LTBP2: variants seen among roughly 807,000 people sequenced by gnomAD.
The protein encoded by LTBP2 is latent transforming growth factor beta binding protein 2.
A neutral mutation model predicts 210.6 loss-of-function variants in LTBP2; 103 were observed. The observed-to-expected ratio is 0.49, with a 90% CI of 0.42 to 0.58. The LOEUF is 0.58. LTBP2 is among the 20% of genes least tolerant of loss of function. The pLI is 0.00. For synonymous variants in LTBP2, 1,007 were observed against 1,015.0 expected, an observed-to-expected ratio of 0.99 and a Z score of 0.15; for missense variants, 2,313 against 2,494.5, an observed-to-expected ratio of 0.93 and a Z score of 1.55.
intron 30 of LTBP2, 69 bp from the exon 31 acceptor site, chr14:74,504,123 C>G: frequency 6.3e-7 from 1 of 1,584,920 alleles, no homozygotes; most frequent in South Asian, 1.1e-5. Context: ...AGCAGGGAAT[C>G]CAAAGCCAGG....
At chr14:74,503,632 A>G (rs536546299) in intron 31 of LTBP2, 26 bp from the exon 32 acceptor site, 1 of 1,612,184 alleles carries the variant, frequency 6.2e-7, no homozygotes, top group Non-Finnish European at 8.5e-7. Context: ...AGGGTGGGGC[A>G]TTGCCAAGGT....
At chr14:74,591,802 A>C (rs888939922) in intron 2 of LTBP2, among the ~76,000 whole-genome samples, 5 of 152,214 alleles carry the variant, frequency 3.3e-5, no homozygotes, top group Admixed American at 3.3e-4. Context: ...CCCATCTGCC[A>C]TAAAGTCAGG....
At chr14:74,601,079 C>T (rs1307881367) in intron 2 of LTBP2, among the ~76,000 whole-genome samples, 1 of 152,178 alleles carries the variant, frequency 6.6e-6, no homozygotes, top group Non-Finnish European at 1.5e-5. Flanking sequence ...AATTACAGTG[C>T]CAGGCCCCAG....
At position 74,501,429 on chromosome 14, in the gene LTBP2, T is replaced by C. The variant is rs2086908790; in HGVS notation, c.5320+12A>G. ...GGCCAGCCTGACTCCTCCATCAGAATTCTGCACTTACCTACGCAGGCCATG... is the reference window on the plus strand; with the variant it reads ...GGCCAGCCTGACTCCTCCATCAGAACTCTGCACTTACCTACGCAGGCCATG... On this transcript the variant is annotated intron_variant, in intron 35 of 35. Transcript: ENST00000261978. The C allele has an allele frequency of 6.2e-7, 1 of 1,613,924 alleles. No homozygotes were observed. Among genetic ancestry groups the C allele is most frequent in the South Asian group, 1.1e-5 (1 of 91,096 alleles).
chr14:74,600,110 C>T lies in LTBP2; in HGVS notation c.565+3525G>A, dbSNP rs575355898. 4.6e-5 allele frequency among the ~76,000 whole-genome samples: 7 copies of T among 152,332 alleles called. No individual in the cohort carries two copies. The East Asian group carries it at 5.8e-4, about 13-fold the overall frequency. ...TGACGGGGTGTGGAGCCAAGAGCCCCACCTTCTGCGGAGCTCTGGATGAAG... is the reference window on the plus strand; with the variant it reads ...TGACGGGGTGTGGAGCCAAGAGCCCTACCTTCTGCGGAGCTCTGGATGAAG... On this transcript the variant is annotated intron_variant, in intron 2 of 35. Transcript: ENST00000261978.
Position 74,611,453 on chromosome 14 carries a change from C to T in LTBP2, c.492G>A (p.Thr164=), listed in dbSNP as rs778789428. The change falls in exon 1 of 36, where the codon ACG becomes ACA. Residue 164 remains threonine, a splice_region_variant and synonymous_variant. Coordinates refer to ENST00000261978, the MANE Select transcript of LTBP2 (RefSeq NM_000428.3). ...APPTPPRGRL[T]GRNVCGGQCC... is the part of the protein sequence containing the mutation. Reference sequence around the variant, plus strand: ...AAACTTCCCTCTCCCATGCTCACCCCGTGAGCCGCCCTCGCGGCGGGGTTG... The same window carrying T: ...AAACTTCCCTCTCCCATGCTCACCCTGTGAGCCGCCCTCGCGGCGGGGTTG... 1.1e-4 allele frequency: 159 copies of T among 1,490,856 alleles called. 1 individual carries two copies. The highest frequency in any genetic ancestry group is 1.4e-4 in the Non-Finnish European group (155 of 1,132,522). 92.4% of individuals were successfully genotyped at this position (1,490,856 alleles called of 1,614,324 possible).
At chr14:74,529,944 T>C (rs1309096070) in intron 10 of LTBP2, among the ~76,000 whole-genome samples, 2 of 152,160 alleles carry the variant, frequency 1.3e-5, no homozygotes, top group Non-Finnish European at 2.9e-5. Flanking sequence ...GAATGAATGA[T>C]TCTGGGGAAG....
chr14:74,596,165 C>G (rs556541814), intron 2 of LTBP2, among the ~76,000 whole-genome samples: 1 of 152,084 alleles, frequency 6.6e-6, no homozygotes, highest in South Asian at 2.1e-4. Context: ...GCCGAGATTA[C>G]AGTGAGCCGA....
At chr14:74,569,712 C>G (rs951906089) in intron 3 of LTBP2, among the ~76,000 whole-genome samples, 2 of 152,168 alleles carry the variant, frequency 1.3e-5, no homozygotes, top group African/African-American at 4.8e-5. Flanking sequence ...AATTGCTATA[C>G]TTACTAAACA....
chr14:74,551,795 C>T (rs1193595843), intron 6 of LTBP2, among the ~76,000 whole-genome samples: 1 of 152,184 alleles, frequency 6.6e-6, no homozygotes, highest in Non-Finnish European at 1.5e-5. Flanking sequence ...CCCCTGATCC[C>T]CTAAAGCATT....
intron 1 of LTBP2, among the ~76,000 whole-genome samples, chr14:74,606,234 T>C (rs1194822805): frequency 6.6e-6 from 1 of 152,200 alleles, no homozygotes; most frequent in African/African-American, 2.4e-5. Flanking sequence ...GGGCCAAATC[T>C]GATCACACTA....
chr14:74,596,352 G>A (rs1371088267), intron 2 of LTBP2, among the ~76,000 whole-genome samples: 4 of 152,184 alleles, frequency 2.6e-5, no homozygotes, highest in East Asian at 1.9e-4. Flanking sequence ...GAACAAGGCC[G>A]GTGGGGGCCA....
rs1290108023 is a variant in LTBP2, at chr14:74,500,469, G to C, written c.*415C>G. 3 of 419,284 alleles carry C rather than the reference G, an allele frequency of 7.2e-6. No individual in the cohort carries two copies. Among genetic ancestry groups the C allele is most frequent in the Non-Finnish European group, 1.4e-5 (3 of 222,106 alleles). 26.0% of individuals were successfully genotyped at this position (419,284 alleles called of 1,614,324 possible). On this transcript the variant is annotated 3_prime_UTR_variant, in exon 36 of 36. Coordinates refer to ENST00000261978, the MANE Select transcript of LTBP2 (RefSeq NM_000428.3). ...GATTCTGAAGGACCTCCCTAGGGCA[G>C]ATGTAGCCTCTGTCCCAGTTGTGGG... is the stretch of plus-strand genomic sequence containing the variant.
chr14:74,581,059 C>G, intron 3 of LTBP2, among the ~76,000 whole-genome samples: 1 of 152,212 alleles, frequency 6.6e-6, no homozygotes, highest in East Asian at 1.9e-4. Context: ...ATACAGTCAG[C>G]TGGCAGAGCA....
intron 2 of LTBP2, among the ~76,000 whole-genome samples, chr14:74,599,886 G>A (rs2088420584): frequency 6.6e-6 from 1 of 152,244 alleles, no homozygotes; most frequent in African/African-American, 2.4e-5. Context: ...TGTGGTTCTG[G>A]CACTAGACTT....
chr14:74,512,111 G>A (rs926493080), intron 18 of LTBP2, among the ~76,000 whole-genome samples: 2 of 152,164 alleles, frequency 1.3e-5, no homozygotes, highest in African/African-American at 4.8e-5. Context: ...CCCCGGAGCC[G>A]AGGAGAGGGC....
chr14:74,505,932 C>T, intron 28 of LTBP2, 116 bp downstream of exon 28: 1 of 1,435,324 alleles, frequency 7.0e-7, no homozygotes. Context: ...CCTATGCTGC[C>T]CCAGGCCCTG....
intron 1 of LTBP2, among the ~76,000 whole-genome samples, chr14:74,610,283 C>T (rs564582351): frequency 1.6e-4 from 24 of 152,162 alleles, no homozygotes; most frequent in Non-Finnish European, 2.5e-4. Flanking sequence ...GGATGGGGCA[C>T]GGGTGGCCAA....
chr14:74,528,013 C>T (rs960513456), intron 12 of LTBP2, among the ~76,000 whole-genome samples: 2 of 152,200 alleles, frequency 1.3e-5, no homozygotes, highest in African/African-American at 4.8e-5. Context: ...GCAAGGAGAG[C>T]CTCATACCCA....
Sources: allele counts gnomAD v4.1 joint callset (sites outside exome capture counted in the v4.1 genomes callset), GRCh38; gene constraint gnomAD v4.1.1; transcripts MANE v1.5; gene names NCBI Gene and HGNC (gene_info 2026-07-23, HGNC 2026-07-21).